GATB: variants seen among roughly 807,000 people sequenced by gnomAD.
GATB encodes the protein glutamyl-tRNA(Gln) amidotransferase subunit B, mitochondrial.
In GATB, 39 loss-of-function variants were observed where a neutral mutation model predicts 62.3. That is an observed-to-expected ratio of 0.63 (90% confidence interval 0.48 to 0.82). The LOEUF is 0.82. Ranked by LOEUF, GATB falls within the 40% of genes least tolerant of loss-of-function variation. The pLI, the probability that GATB is intolerant of heterozygous loss-of-function variation, is 0.00. For synonymous variants in GATB, 276 were observed against 258.9 expected (o/e 1.07, Z -0.63); for missense variants, 670 against 684.0 (o/e 0.98, Z 0.23).
Position 151,672,879 on chromosome 4 carries a change from C to G in GATB, c.1428G>C (p.Trp476Cys). 6.2e-7 allele frequency: 1 copy of G among 1,614,206 alleles called. No individual in the cohort carries two copies. Among genetic ancestry groups the G allele is most frequent in the Non-Finnish European group, 8.5e-7 (1 of 1,180,028 alleles). Residue 476 changes from tryptophan to cysteine, a missense_variant, in exon 12 of 13, where the codon TGG becomes TGC. Transcript: ENST00000263985. ...SAAKQVFEEL[W>C]KREGKTPGQI... ...GCCCTGGAGTCTTGCCTTCCCTCTT[C>G]CACAGTTCCTCAAACACCTATGGAC...
rs1290769097 is a variant in GATB at position 151,689,068 on chromosome 4, G to C, written c.1198-305C>G. Among the ~76,000 whole-genome samples, 11 of 152,292 alleles carry C rather than the reference G, an allele frequency of 7.2e-5. No homozygotes were observed. In the East Asian group the frequency reaches 1.9e-3, roughly 27 times the overall value. On this transcript the variant is annotated intron_variant, in intron 9 of 12. Transcript: ENST00000263985. Reference sequence around the variant, plus strand: ...CCCCAAACCCACTTGCTTTCTCCGTGTCTGCTGTGTGTAACCTGCACTCTC... The same window carrying C: ...CCCCAAACCCACTTGCTTTCTCCGTCTCTGCTGTGTGTAACCTGCACTCTC...
intron 11 of GATB, chr4:151,677,769 A>G (rs1284453903): frequency 6.6e-6 from 1 of 152,246 alleles, no homozygotes; most frequent in East Asian, 1.9e-4. Context: ...CTTTTCATAA[A>G]ATGTCCAGAT....
chr4:151,736,656 T>A (rs1739380196), intron 2 of GATB, among the ~76,000 whole-genome samples: 1 of 152,356 alleles, frequency 6.6e-6, no homozygotes, highest in East Asian at 1.9e-4. Context: ...ATTTTAATGA[T>A]GCAAAGTTAA....
intron 5 of GATB, among the ~76,000 whole-genome samples, chr4:151,711,498 G>A (rs1738818330): frequency 6.6e-6 from 1 of 152,106 alleles, no homozygotes; most frequent in African/African-American, 2.4e-5. Context: ...TCACCTCAGG[G>A]CCTTGGCCTT....
chr4:151,703,964 G>A, intron 7 of GATB, 69 bp from the exon 8 acceptor site: 1 of 1,088,016 alleles, frequency 9.2e-7, no homozygotes, highest in Non-Finnish European at 1.4e-6. Context: ...GTGGGGAAGG[G>A]CTCCCCTACC....
intron 3 of GATB, 52 bp downstream of exon 3, chr4:151,719,373 G>T: frequency 7.6e-7 from 1 of 1,322,074 alleles, no homozygotes; most frequent in Non-Finnish European, 1.1e-6. Context: ...CCACAGCAGG[G>T]CTGGCCCAGC....
chr4:151,671,076 G>A lies in GATB; in HGVS notation c.*98C>T, dbSNP rs572282563. On this transcript the variant is annotated 3_prime_UTR_variant, in exon 13 of 13. Transcript: ENST00000263985. ...GGCTTGGGACAGGGATTGAGAGGCA[G>A]CTCTCAGGGCACATGGGCATCAGCT... 2.6e-4 allele frequency: 348 copies of A among 1,321,658 alleles called. 1 individual carries two copies. The South Asian group carries it at 4.1e-3, about 16-fold the overall frequency. The allele number at this position is 1,321,658 out of a possible 1,614,324, so 81.9% of individuals were successfully genotyped here.
At chr4:151,684,377 A>G (rs924885003) in intron 10 of GATB, among the ~76,000 whole-genome samples, 2 of 152,250 alleles carry the variant, frequency 1.3e-5, no homozygotes, top group Non-Finnish European at 2.9e-5. Context: ...CTTTCAAGCA[A>G]TATACTCAAT....
intron 2 of GATB, among the ~76,000 whole-genome samples, chr4:151,745,080 C>T (rs1207292184): frequency 2.6e-5 from 4 of 152,156 alleles, no homozygotes; most frequent in Non-Finnish European, 4.4e-5. Flanking sequence ...GAGTATACAA[C>T]ATAATTATAA....
intron 9 of GATB, among the ~76,000 whole-genome samples, chr4:151,693,212 C>T (rs1314924405): frequency 6.6e-6 from 1 of 152,078 alleles, no homozygotes; most frequent in Non-Finnish European, 1.5e-5. Context: ...ACACCAAATG[C>T]TAGTGCTGGG....
chr4:151,719,450 T>C lies in GATB; in HGVS notation c.416A>G (p.Lys139Arg). 1.2e-6 allele frequency: 2 copies of C among 1,612,198 alleles called. No homozygotes were observed. Among genetic ancestry groups the C allele is most frequent in the Non-Finnish European group, 1.7e-6 (2 of 1,179,090 alleles). ...HINKKSLFDR[K>R]HYFYADLPAG... is the part of the protein sequence containing the mutation. ...AGGGAGGTCTGCATAGAAGTAGTGC[T>C]TCCTGTCAAACAAGGACTTCTTGTT... Residue 139 changes from lysine to arginine, a missense_variant, in exon 3 of 13, where the codon AAG becomes AGG. Transcript: ENST00000263985.
At chr4:151,733,633 C>T (rs538417171) in intron 2 of GATB, among the ~76,000 whole-genome samples, 4 of 152,220 alleles carry the variant, frequency 2.6e-5, no homozygotes, top group Non-Finnish European at 5.9e-5. Context: ...CACCCTAATA[C>T]CAAAATCAGG....
chr4:151,752,825 C>A (rs1307798251), intron 2 of GATB, among the ~76,000 whole-genome samples: 1 of 152,196 alleles, frequency 6.6e-6, no homozygotes, highest in African/African-American at 2.4e-5. Context: ...TTTTGGCTCT[C>A]AATCTATATT....
rs76275201 is a variant in GATB, at chr4:151,702,185, T to C, written c.1008-667A>G. 8.4e-3 allele frequency among the ~76,000 whole-genome samples: 1,283 copies of C among 152,256 alleles called. 14 individuals carry two copies. The highest frequency in any genetic ancestry group is 0.028 in the African/African-American group (1,165 of 41,548). On this transcript the variant is annotated intron_variant, in intron 8 of 12. Transcript: ENST00000263985. ...ACAGGCTGGAAAAAACAGGACCAAA[T>C]GAGAGCAATTTGCTTATTAGAAGGA...
rs1578914998 is a variant in GATB at position 151,709,241 on chromosome 4, G to A, written c.764-1140C>T. Reference sequence around the variant, plus strand: ...TCTGTCATTCTCCCAGTGCTGGGCTGTGGGGCCTATACCAAGCTGGAGGTC... The same window carrying A: ...TCTGTCATTCTCCCAGTGCTGGGCTATGGGGCCTATACCAAGCTGGAGGTC... On this transcript the variant is annotated intron_variant, in intron 5 of 12. Transcript: ENST00000263985. 3.9e-5 allele frequency among the ~76,000 whole-genome samples: 6 copies of A among 152,308 alleles called. No individual in the cohort carries two copies. In the South Asian group the frequency reaches 1.2e-3, roughly 32 times the overall value.
At chr4:151,712,940 G>A (rs1738847468) in intron 5 of GATB, among the ~76,000 whole-genome samples, 1 of 152,192 alleles carries the variant, frequency 6.6e-6, no homozygotes, top group Admixed American at 6.5e-5. Flanking sequence ...CACAGCAGGA[G>A]GTGAGTGATG....
In GATB at chr4:151,719,600, A is replaced by C. The variant is rs1275527001; in HGVS notation, c.328-62T>G. ...CAGGCTGAACAAATGCTTCTCCCACACACTGACATCCTCGCTGAATATGCA... is the reference window on the plus strand; with the variant it reads ...CAGGCTGAACAAATGCTTCTCCCACCCACTGACATCCTCGCTGAATATGCA... On this transcript the variant is annotated intron_variant, in intron 2 of 12. Coordinates refer to ENST00000263985, the MANE Select transcript of GATB (RefSeq NM_004564.3). The C allele has an allele frequency of 4.5e-6, 5 of 1,123,152 alleles. No homozygotes were observed. The East Asian group carries it at 1.4e-4, about 31-fold the overall frequency. The allele number at this position is 1,123,152 out of a possible 1,614,324, so 69.6% of individuals were successfully genotyped here.
chr4:151,729,144 G>A (rs2126984761), intron 2 of GATB, among the ~76,000 whole-genome samples: 1 of 152,260 alleles, frequency 6.6e-6, no homozygotes, highest in East Asian at 1.9e-4. Flanking sequence ...ATAAAATCAT[G>A]GAGGTTCGTA....
chr4:151,750,883 C>T (rs1374694682), intron 2 of GATB, among the ~76,000 whole-genome samples: 1 of 151,888 alleles, frequency 6.6e-6, no homozygotes, highest in Non-Finnish European at 1.5e-5. Flanking sequence ...ATCCAACCAC[C>T]TCAGCCTTCC....
Sources: allele counts gnomAD v4.1 joint callset (sites outside exome capture counted in the v4.1 genomes callset), GRCh38; gene constraint gnomAD v4.1.1; transcripts MANE v1.5; gene names NCBI Gene and HGNC (gene_info 2026-07-23, HGNC 2026-07-21).